SEMA6D: variants seen among roughly 807,000 people sequenced by gnomAD.
The protein encoded by SEMA6D is semaphorin-6D.
Under a neutral mutation model 106.6 loss-of-function variants are expected in SEMA6D, and 35 were observed. The ratio of observed to expected loss-of-function variants is 0.33; its 90% CI spans 0.25 to 0.44. The LOEUF (loss-of-function observed/expected upper bound fraction) is 0.44. Among genes scored for constraint, SEMA6D ranks in the 20% least tolerant of loss-of-function variants. The probability of loss-of-function intolerance (pLI) is 1.00; values close to 1 mark genes in which losing one functional copy is unlikely to be tolerated. For missense variants in SEMA6D, 1,185 were observed against 1,345.9 expected (o/e 0.88, Z 1.87); for synonymous variants, 499 against 487.7 (o/e 1.02, Z -0.31).
At chr15:47,547,059 T>G (rs550841542) in intron 3 of SEMA6D, among the ~76,000 whole-genome samples, 21 of 152,262 alleles carry the variant, frequency 1.4e-4, no homozygotes, top group African/African-American at 4.6e-4. Flanking sequence ...ATACTTCTGA[T>G]GTTTATGTGA....
At chr15:47,589,761 C>G (rs544143796) in intron 3 of SEMA6D, among the ~76,000 whole-genome samples, 2 of 152,346 alleles carry the variant, frequency 1.3e-5, no homozygotes, top group South Asian at 4.1e-4. Flanking sequence ...AGGACAGTCA[C>G]TGGTGGCCTT....
At chr15:47,187,890 G>A (rs1893686253) in intron 1 of SEMA6D, among the ~76,000 whole-genome samples, 1 of 152,064 alleles carries the variant, frequency 6.6e-6, no homozygotes, top group Non-Finnish European at 1.5e-5. Context: ...AGAAGGGCAA[G>A]TTTCATTTAA....
chr15:47,247,106 C>A (rs1359350182), intron 1 of SEMA6D, among the ~76,000 whole-genome samples: 1 of 152,118 alleles, frequency 6.6e-6, no homozygotes, highest in Non-Finnish European at 1.5e-5. Flanking sequence ...AGAAAAACTA[C>A]ACTAGAAATA....
chr15:47,764,403 C>T, intron 11 of SEMA6D, 98 bp downstream of exon 11: 1 of 1,421,130 alleles, frequency 7.0e-7, no homozygotes. Flanking sequence ...CCTCCCACAC[C>T]AGGAAGGGGT....
At chr15:47,526,020 G>T (rs2044744853) in intron 3 of SEMA6D, among the ~76,000 whole-genome samples, 1 of 152,316 alleles carries the variant, frequency 6.6e-6, no homozygotes, top group Non-Finnish European at 1.5e-5. Context: ...CCTCCTCTTT[G>T]GTAAGTGGTG....
At chr15:47,704,367 G>A (rs1362208710) in intron 4 of SEMA6D, among the ~76,000 whole-genome samples, 1 of 152,104 alleles carries the variant, frequency 6.6e-6, no homozygotes, top group African/African-American at 2.4e-5. Context: ...TAGTTTTAAT[G>A]TATACCATCA....
intron 1 of SEMA6D, among the ~76,000 whole-genome samples, chr15:47,321,296 T>C (rs1479208056): frequency 6.6e-6 from 1 of 152,186 alleles, no homozygotes; most frequent in Non-Finnish European, 1.5e-5. Context: ...AGTTGCAGAC[T>C]TTGGATCTTC....
chr15:47,471,603 G>A lies in SEMA6D; in HGVS notation c.-87+1058G>A, dbSNP rs958823082. Among the ~76,000 whole-genome samples, 38 of 152,120 alleles carry A rather than the reference G, an allele frequency of 2.5e-4. 1 individual carries two copies. ...CTGTGAGGGTCTGCACCTACTGAAA[G>A]GTTGATTCTCTGAGAAAGGCTGAAT... On this transcript the variant is annotated intron_variant, in intron 3 of 19. Coordinates refer to the SEMA6D transcript ENST00000558014.
At chr15:47,311,074 CA>C (rs1328702993) in intron 1 of SEMA6D, among the ~76,000 whole-genome samples, 1 of 152,214 alleles carries the variant, frequency 6.6e-6, no homozygotes, top group East Asian at 1.9e-4. Context: ...ATTAAAGCCT[CA>C]TTGTCCTCCT....
chr15:47,337,988 C>G (rs1295886278), intron 1 of SEMA6D, among the ~76,000 whole-genome samples: 2 of 152,192 alleles, frequency 1.3e-5, no homozygotes, highest in African/African-American at 4.8e-5. Flanking sequence ...TCTAGAAAAA[C>G]TGAGACTAAG....
intron 1 of SEMA6D, among the ~76,000 whole-genome samples, chr15:47,733,127 G>A (rs886670563): frequency 3.0e-4 from 46 of 152,202 alleles, no homozygotes; most frequent in African/African-American, 7.7e-4. Flanking sequence ...CTAAAGTTTC[G>A]TAGTGTTTCT....
At chr15:47,678,254 A>G (rs184791393) in intron 4 of SEMA6D, among the ~76,000 whole-genome samples, 9 of 152,248 alleles carry the variant, frequency 5.9e-5, no homozygotes, top group Non-Finnish European at 1.0e-4. Flanking sequence ...AGATTAAATT[A>G]TTTCCCCAGC....
chr15:47,723,095 C>G (rs529115698), intron 1 of SEMA6D, among the ~76,000 whole-genome samples: 19 of 152,256 alleles, frequency 1.2e-4, no homozygotes, highest in Non-Finnish European at 2.4e-4. Flanking sequence ...CCTAATACTT[C>G]TGACATTTGC....
intron 3 of SEMA6D, among the ~76,000 whole-genome samples, chr15:47,472,959 A>C (rs753994374): frequency 3.3e-5 from 5 of 152,208 alleles, no homozygotes; most frequent in Non-Finnish European, 7.3e-5. Context: ...AGACAGTGCC[A>C]ATGTTTTGTG....
chr15:47,534,282 C>T, intron 3 of SEMA6D, among the ~76,000 whole-genome samples: 1 of 152,034 alleles, frequency 6.6e-6, no homozygotes, highest in East Asian at 1.9e-4. Flanking sequence ...CCTCTGCCTC[C>T]CGGGTTCAAG....
intron 3 of SEMA6D, among the ~76,000 whole-genome samples, chr15:47,597,161 A>T (rs1246606604): frequency 6.6e-6 from 1 of 152,076 alleles, no homozygotes; most frequent in Non-Finnish European, 1.5e-5. Context: ...TAGGGAAATG[A>T]TGAGATATTA....
intron 1 of SEMA6D, among the ~76,000 whole-genome samples, chr15:47,346,908 T>G (rs2038067326): frequency 6.6e-6 from 1 of 152,266 alleles, no homozygotes; most frequent in South Asian, 2.1e-4. Context: ...TTTTTATTTT[T>G]TCTTTTTCTT....
At chr15:47,369,154 G>A (rs1273541932) in intron 1 of SEMA6D, among the ~76,000 whole-genome samples, 1 of 152,158 alleles carries the variant, frequency 6.6e-6, no homozygotes, top group Non-Finnish European at 1.5e-5. Flanking sequence ...CATTTAAGTG[G>A]CTTCTGGAGT....
intron 1 of SEMA6D, among the ~76,000 whole-genome samples, chr15:47,337,138 G>A (rs1224116985): frequency 1.3e-5 from 2 of 152,112 alleles, no homozygotes; most frequent in Non-Finnish European, 2.9e-5. Context: ...CCCTAGTCCA[G>A]TTTTGGAAAG....
Sources: allele counts gnomAD v4.1 joint callset (sites outside exome capture counted in the v4.1 genomes callset), GRCh38; gene constraint gnomAD v4.1.1; transcripts MANE v1.5; gene names NCBI Gene and HGNC (gene_info 2026-07-23, HGNC 2026-07-21).